DLG2: variants seen among roughly 807,000 people sequenced by gnomAD.
DLG2 encodes the protein discs large MAGUK scaffold protein 2, also known as disks large homolog 2.
Under a neutral mutation model 132.5 loss-of-function variants are expected in DLG2, and 45 were observed. That is an observed-to-expected ratio of 0.34 (90% CI 0.27 to 0.44). The LOEUF is 0.44. DLG2 is among the 20% of genes least tolerant of loss of function. The probability of loss-of-function intolerance (pLI) is 1.00; values close to 1 mark genes in which losing one functional copy is unlikely to be tolerated. For synonymous variants in DLG2, 424 were observed against 419.6 expected (o/e 1.01, Z -0.13); for missense variants, 1,045 against 1,196.9 (o/e 0.87, Z 1.87).
intron 14 of DLG2, among the ~76,000 whole-genome samples, chr11:83,955,354 C>A (rs115063572): frequency 2.0e-5 from 3 of 151,386 alleles, no homozygotes; most frequent in Admixed American, 6.6e-5. Flanking sequence ...ATTCTAAAGC[C>A]GGGTCAGTTG....
At chr11:84,581,945 A>C (rs1046835632) in intron 6 of DLG2, among the ~76,000 whole-genome samples, 2 of 151,708 alleles carry the variant, frequency 1.3e-5, no homozygotes, top group African/African-American at 4.8e-5. Context: ...AGGAAAGAAA[A>C]AAGGGAAAAC....
At chr11:84,840,197 C>G (rs1215894087) in intron 6 of DLG2, among the ~76,000 whole-genome samples, 1 of 152,150 alleles carries the variant, frequency 6.6e-6, no homozygotes, top group Non-Finnish European at 1.5e-5. Flanking sequence ...ACAGGTGCTT[C>G]TCAAAAGAAG....
At chr11:85,535,901 G>A (rs2075546830) in intron 3 of DLG2, among the ~76,000 whole-genome samples, 1 of 152,176 alleles carries the variant, frequency 6.6e-6, no homozygotes, top group African/African-American at 2.4e-5. Flanking sequence ...ACATAATAAT[G>A]TAGGATTCCA....
chr11:83,633,960 CAAAA>C (rs1235043392), intron 18 of DLG2, among the ~76,000 whole-genome samples: 1 of 136,964 alleles, frequency 7.3e-6, no homozygotes, highest in African/African-American at 3.6e-5. Context: ...AAGCAAAAAA[CAAAA>C]AACAAAAAAC....
At chr11:84,208,828 T>C (rs1055564776) in intron 8 of DLG2, among the ~76,000 whole-genome samples, 2 of 152,150 alleles carry the variant, frequency 1.3e-5, no homozygotes, top group African/African-American at 4.8e-5. Flanking sequence ...ACATGTATAC[T>C]GGTATTAAGT....
At chr11:84,634,180 T>C (rs1049330191) in intron 6 of DLG2, among the ~76,000 whole-genome samples, 1 of 152,168 alleles carries the variant, frequency 6.6e-6, no homozygotes, top group Non-Finnish European at 1.5e-5. Flanking sequence ...ATCTGTATTG[T>C]CTTCAATCAG....
intron 2 of DLG2, among the ~76,000 whole-genome samples, chr11:85,602,466 C>A (rs926399875): frequency 6.6e-6 from 1 of 152,046 alleles, no homozygotes; most frequent in Non-Finnish European, 1.5e-5. Context: ...CTCTCTGTCA[C>A]CCAGATGGGA....
At chr11:84,247,462 T>C (rs962342452) in intron 8 of DLG2, among the ~76,000 whole-genome samples, 6 of 152,162 alleles carry the variant, frequency 3.9e-5, no homozygotes, top group Admixed American at 3.3e-4. Context: ...CTAGAGAGTA[T>C]TGAAGTGGAA....
Position 83,965,430 on chromosome 11 carries a change from C to T in DLG2, c.1095G>A (p.Glu365=), listed in dbSNP as rs1257969763. Residue 365 remains glutamate (E), a synonymous_variant, in exon 13 of 28, where the codon GAG becomes GAA. Transcript: ENST00000376104. ...NYSLEEVTHE[E]AVAILKNTSE... Reference sequence around the variant, plus strand: ...ATGTGTTCTTTAATATTGCTACTGCCTCTTCGTGTGTTACTTCTTCTAAAC... The same window carrying T: ...ATGTGTTCTTTAATATTGCTACTGCTTCTTCGTGTGTTACTTCTTCTAAAC... 6.2e-7 allele frequency: 1 copy of T among 1,611,398 alleles called. No individual in the cohort carries two copies. The highest frequency in any genetic ancestry group is 2.2e-5 in the East Asian group (1 of 44,778).
At chr11:84,953,544 G>C (rs2051229864) in intron 6 of DLG2, among the ~76,000 whole-genome samples, 1 of 151,958 alleles carries the variant, frequency 6.6e-6, no homozygotes. Flanking sequence ...TGTAACTATG[G>C]ACAGTTTACT....
chr11:83,951,450 C>A (rs2085398083), intron 14 of DLG2, among the ~76,000 whole-genome samples: 1 of 152,010 alleles, frequency 6.6e-6, no homozygotes, highest in Non-Finnish European at 1.5e-5. Context: ...AAAGGGAACA[C>A]AGGACGAAAG....
chr11:85,190,019 C>T (rs1303836088), intron 4 of DLG2, among the ~76,000 whole-genome samples: 1 of 152,130 alleles, frequency 6.6e-6, no homozygotes, highest in Admixed American at 6.6e-5. Context: ...ATAAAAGTTA[C>T]TGTGAAACTG....
chr11:84,556,313 C>T lies in DLG2; in HGVS notation c.358-21582G>A, dbSNP rs137917171. ...CTGTGTTAGCCTCTCATCAAAAATGCACCCCCAGTTATTTTTTGTAAACTT... is the reference window on the plus strand; with the variant it reads ...CTGTGTTAGCCTCTCATCAAAAATGTACCCCCAGTTATTTTTTGTAAACTT... On this transcript the variant is annotated intron_variant, in intron 6 of 27. Coordinates refer to ENST00000376104, the MANE Select transcript of DLG2 (RefSeq NM_001142699.3). 1.8e-3 allele frequency among the ~76,000 whole-genome samples: 275 copies of T among 152,232 alleles called. 2 individuals carry two copies. Among genetic ancestry groups the T allele is most frequent in the African/African-American group, 6.0e-3 (250 of 41,544 alleles).
chr11:84,064,417 G>T (rs978119835), intron 10 of DLG2, among the ~76,000 whole-genome samples: 2 of 152,212 alleles, frequency 1.3e-5, no homozygotes, highest in Admixed American at 6.5e-5. Context: ...AACATGGCTT[G>T]GGAGGCTTGG....
At chr11:84,734,258 T>A (rs1372828204) in intron 6 of DLG2, among the ~76,000 whole-genome samples, 1 of 152,228 alleles carries the variant, frequency 6.6e-6, no homozygotes, top group Non-Finnish European at 1.5e-5. Flanking sequence ...TATTGATTCT[T>A]CCTATCCAGG....
At chr11:84,764,766 C>T (rs1256506163) in intron 6 of DLG2, among the ~76,000 whole-genome samples, 2 of 152,042 alleles carry the variant, frequency 1.3e-5, no homozygotes, top group African/African-American at 4.8e-5. Context: ...ACATTGGCTA[C>T]ATTGTAGACA....
chr11:83,491,554 A>G (rs765725988), intron 21 of DLG2, among the ~76,000 whole-genome samples: 1 of 152,042 alleles, frequency 6.6e-6, no homozygotes, highest in Non-Finnish European at 1.5e-5. Context: ...CAGCAGTCTA[A>G]GTTGGGGAGG....
intron 6 of DLG2, among the ~76,000 whole-genome samples, chr11:84,959,033 C>T (rs1261593799): frequency 7.9e-5 from 12 of 152,178 alleles, no homozygotes; most frequent in Non-Finnish European, 2.9e-5. Context: ...CCTGCTTATA[C>T]GTGGCTTTTG....
intron 8 of DLG2, among the ~76,000 whole-genome samples, chr11:84,218,783 G>T (rs1342186805): frequency 6.6e-6 from 1 of 152,160 alleles, no homozygotes; most frequent in Non-Finnish European, 1.5e-5. Flanking sequence ...CACTACTGAG[G>T]AGTTGGCATT....
Sources: allele counts gnomAD v4.1 joint callset (sites outside exome capture counted in the v4.1 genomes callset), GRCh38; gene constraint gnomAD v4.1.1; transcripts MANE v1.5; gene names NCBI Gene and HGNC (gene_info 2026-07-23, HGNC 2026-07-21).